The following PRIM2 variants were observed in gnomAD, a reference collection of about 807,000 sequenced individuals.
PRIM2 encodes the protein DNA primase subunit 2.
PRIM2 carries 39 observed loss-of-function variants against 67.3 expected under a neutral mutation model. That is an observed-to-expected ratio of 0.58 (90% CI 0.45 to 0.76). The LOEUF (loss-of-function observed/expected upper bound fraction) is 0.76, where lower values mean the gene tolerates loss of function less well. Among genes scored for constraint, PRIM2 ranks in the 30% least tolerant of loss-of-function variants. The pLI is 0.00. For missense variants in PRIM2, 398 were observed against 598.7 expected, an observed-to-expected ratio of 0.66 and a Z score of 3.50; for synonymous variants, 143 against 198.7, an observed-to-expected ratio of 0.72 and a Z score of 2.36.
At chr6:57,455,410 T>C (rs1772731185) in intron 7 of PRIM2, among the ~76,000 whole-genome samples, 1 of 152,234 alleles carries the variant, frequency 6.6e-6, no homozygotes, top group Non-Finnish European at 1.5e-5. Flanking sequence ...ATTATTATTG[T>C]GTGGTAGTCT....
At chr6:57,568,451 T>TG (rs1775792275) in intron 10 of PRIM2, among the ~76,000 whole-genome samples, 1 of 152,234 alleles carries the variant, frequency 6.6e-6, no homozygotes, top group Non-Finnish European at 1.5e-5. Context: ...CAATATTTTA[T>TG]GGGAAAAACC....
the PRIM2 span, among the ~76,000 whole-genome samples, chr6:57,256,940 C>T: frequency 6.6e-6 from 1 of 152,206 alleles, no homozygotes; most frequent in Admixed American, 6.5e-5. Flanking sequence ...AGCCACAACC[C>T]TTTAGTTTCA....
At chr6:57,273,611 CCTT>C in the PRIM2 span, among the ~76,000 whole-genome samples, 1 of 152,304 alleles carries the variant, frequency 6.6e-6, no homozygotes, top group South Asian at 2.1e-4. Context: ...TCATCTGAAG[CCTT>C]CTTCTCTCAG....
chr6:57,498,669 A>C (rs1317109132), intron 7 of PRIM2, among the ~76,000 whole-genome samples: 2 of 152,166 alleles, frequency 1.3e-5, no homozygotes, highest in African/African-American at 4.8e-5. Context: ...AGAGAACAAA[A>C]TTGAGCAATA....
chr6:57,326,468 C>A (rs1767861237), intron 5 of PRIM2: 1 of 155,394 alleles, frequency 6.4e-6, no homozygotes, highest in Non-Finnish European at 1.4e-5. Flanking sequence ...CACCTGTAAT[C>A]CCAGCACTTT....
chr6:57,539,985 C>T (rs1169287876), intron 10 of PRIM2, among the ~76,000 whole-genome samples: 3 of 149,498 alleles, frequency 2.0e-5, no homozygotes, highest in Non-Finnish European at 4.4e-5. Flanking sequence ...CAGAGTGAGA[C>T]TCCATCTCAA....
At chr6:57,460,204 T>C (rs1050883209) in intron 7 of PRIM2, among the ~76,000 whole-genome samples, 6 of 152,166 alleles carry the variant, frequency 3.9e-5, no homozygotes, top group Non-Finnish European at 7.4e-5. Flanking sequence ...ATTTTACTTA[T>C]ACTTAGAGCT....
intron 5 of PRIM2, among the ~76,000 whole-genome samples, chr6:57,370,157 C>T (rs1769495721): frequency 6.6e-6 from 1 of 152,156 alleles, no homozygotes; most frequent in Non-Finnish European, 1.5e-5. Flanking sequence ...AATTGTTCCA[C>T]TCTATCTGTT....
chr6:57,373,273 G>T lies in PRIM2; in HGVS notation c.460-6628G>T, dbSNP rs573104773. The stretch of plus-strand genomic sequence containing the variant: ...GCATGTATGTCTTCTTTTGAGAAGG[G>T]TCTGTTCGTGTCCTTTGTCCACTTT... On this transcript the variant is annotated intron_variant, in intron 5 of 13. Transcript: ENST00000615550. Among the ~76,000 whole-genome samples, 188 of 151,456 alleles carry T rather than the reference G, an allele frequency of 1.2e-3. 1 individual carries two copies. The highest frequency in any genetic ancestry group is 4.3e-3 in the African/African-American group (178 of 41,296).
At chr6:57,534,509 A>G (rs1280931913) in intron 9 of PRIM2, among the ~76,000 whole-genome samples, 1 of 151,974 alleles carries the variant, frequency 6.6e-6, no homozygotes, top group African/African-American at 2.4e-5. Flanking sequence ...TATCTTTTTA[A>G]TTTTTATTAT....
the PRIM2 span, among the ~76,000 whole-genome samples, chr6:57,297,544 T>C: frequency 2.0e-5 from 3 of 152,166 alleles, no homozygotes; most frequent in Admixed American, 1.3e-4. Flanking sequence ...TGCTAACACA[T>C]GATGAGAAAC....
At chr6:57,610,130 G>A (rs1331525781) in intron 12 of PRIM2, among the ~76,000 whole-genome samples, 7 of 152,096 alleles carry the variant, frequency 4.6e-5, no homozygotes, top group Non-Finnish European at 8.8e-5. Flanking sequence ...ATGCAATGGC[G>A]CAATCTCGGC....
chr6:57,516,447 GTTAAT>G (rs1774489548), intron 8 of PRIM2, among the ~76,000 whole-genome samples: 1 of 152,130 alleles, frequency 6.6e-6, no homozygotes, highest in South Asian at 2.1e-4. Flanking sequence ...GAGTTTTGTA[GTTAAT>G]TTACTTTACT....
intron 8 of PRIM2, among the ~76,000 whole-genome samples, chr6:57,517,902 G>A (rs1297161036): frequency 6.6e-6 from 1 of 152,122 alleles, no homozygotes; most frequent in African/African-American, 2.4e-5. Flanking sequence ...TCCTGTCCTG[G>A]ATCTTTTTCC....
chr6:57,225,170 T>C, the PRIM2 span, among the ~76,000 whole-genome samples: 2 of 152,202 alleles, frequency 1.3e-5, no homozygotes, highest in Non-Finnish European at 2.9e-5. Context: ...CTAACTGCTT[T>C]TTGGGGTTTT....
intron 5 of PRIM2, among the ~76,000 whole-genome samples, chr6:57,370,997 C>T (rs944375826): frequency 1.3e-5 from 2 of 151,748 alleles, no homozygotes; most frequent in African/African-American, 2.4e-5. Context: ...TGCACCCAGC[C>T]CAGAATTTTA....
chr6:57,260,871 T>C, the PRIM2 span, among the ~76,000 whole-genome samples: 1 of 152,038 alleles, frequency 6.6e-6, no homozygotes, highest in Non-Finnish European at 1.5e-5. Context: ...AGCAGGAAAA[T>C]CAAGAATTCT....
intron 12 of PRIM2, among the ~76,000 whole-genome samples, chr6:57,616,190 T>A (rs1398342828): frequency 3.9e-5 from 6 of 152,254 alleles, no homozygotes; most frequent in Admixed American, 6.5e-5. Context: ...CCATGGTGGT[T>A]TGTTTTATTT....
the PRIM2 span, among the ~76,000 whole-genome samples, chr6:57,304,417 G>A: frequency 1.3e-5 from 2 of 152,138 alleles, no homozygotes; most frequent in South Asian, 2.1e-4. Context: ...CAATAAAAAA[G>A]ATTGGATTAA....
Sources: allele counts gnomAD v4.1 joint callset (sites outside exome capture counted in the v4.1 genomes callset), GRCh38; gene constraint gnomAD v4.1.1; transcripts MANE v1.5; gene names NCBI Gene and HGNC (gene_info 2026-07-23, HGNC 2026-07-21).